CLSTN2: variants seen among roughly 807,000 people sequenced by gnomAD.
CLSTN2 encodes calsyntenin-2.
A neutral mutation model predicts 101.2 loss-of-function variants in CLSTN2; 48 were observed. The ratio of observed to expected loss-of-function variants is 0.47; its 90% CI spans 0.38 to 0.60. The LOEUF (loss-of-function observed/expected upper bound fraction) is 0.60. Among genes scored for constraint, CLSTN2 ranks in the 20% least tolerant of loss-of-function variants. CLSTN2 has a pLI of 0.00. For synonymous variants in CLSTN2, 481 were observed against 463.6 expected (o/e 1.04, Z -0.48); for missense variants, 1,160 against 1,238.2 (o/e 0.94, Z 0.95).
intron 2 of CLSTN2, among the ~76,000 whole-genome samples, chr3:140,351,281 C>T (rs1179405458): frequency 6.6e-6 from 1 of 152,082 alleles, no homozygotes; most frequent in Admixed American, 6.5e-5. Flanking sequence ...ACAAAGAGAA[C>T]ATAAGAACTG....
At chr3:140,262,433 A>C (rs1173572307) in intron 2 of CLSTN2, among the ~76,000 whole-genome samples, 1 of 152,188 alleles carries the variant, frequency 6.6e-6, no homozygotes, top group African/African-American at 2.4e-5. Context: ...AAGAGAGAGG[A>C]GTGTAAGAAA....
At chr3:140,176,446 G>T (rs1363872211) in intron 2 of CLSTN2, among the ~76,000 whole-genome samples, 9 of 152,172 alleles carry the variant, frequency 5.9e-5, no homozygotes, top group Non-Finnish European at 1.0e-4. Flanking sequence ...GATAAGTGGA[G>T]ACTCATAGCT....
chr3:140,167,153 T>C (rs1166236769), intron 1 of CLSTN2, among the ~76,000 whole-genome samples: 1 of 152,226 alleles, frequency 6.6e-6, no homozygotes, highest in African/African-American at 2.4e-5. Context: ...ATAATTTCTG[T>C]ACATGCCAAA....
At chr3:140,304,418 G>A (rs1015795725) in intron 2 of CLSTN2, among the ~76,000 whole-genome samples, 54 of 152,200 alleles carry the variant, frequency 3.5e-4, no homozygotes, top group Non-Finnish European at 2.6e-4. Flanking sequence ...AGCTCCTGGT[G>A]AGGGTTCTCT....
chr3:140,348,035 G>A (rs1461370558), intron 2 of CLSTN2, among the ~76,000 whole-genome samples: 1 of 152,190 alleles, frequency 6.6e-6, no homozygotes, highest in Non-Finnish European at 1.5e-5. Context: ...TTGTCTGTCA[G>A]TTGGAAAGGA....
intron 11 of CLSTN2, among the ~76,000 whole-genome samples, chr3:140,557,788 G>A (rs776248650): frequency 2.0e-5 from 3 of 152,170 alleles, no homozygotes; most frequent in East Asian, 1.9e-4. Context: ...GGGGTCCCCC[G>A]TTGTAACCTA....
chr3:140,079,906 A>G (rs979261269), intron 1 of CLSTN2, among the ~76,000 whole-genome samples: 3 of 152,176 alleles, frequency 2.0e-5, no homozygotes, highest in African/African-American at 7.2e-5. Context: ...TTATGTTTTC[A>G]TGTTTAGGTC....
At chr3:140,243,945 T>C (rs547426226) in intron 2 of CLSTN2, among the ~76,000 whole-genome samples, 32 of 152,294 alleles carry the variant, frequency 2.1e-4, no homozygotes, top group Non-Finnish European at 4.0e-4. Flanking sequence ...ACACAGAGTA[T>C]AACTGCCCCC....
intron 2 of CLSTN2, among the ~76,000 whole-genome samples, chr3:140,200,099 C>G (rs532867817): frequency 3.3e-5 from 5 of 152,102 alleles, no homozygotes; most frequent in African/African-American, 9.7e-5. Context: ...TTCTACGTCT[C>G]CCCTTATATT....
At chr3:140,225,231 G>A (rs552674665) in intron 2 of CLSTN2, among the ~76,000 whole-genome samples, 1 of 152,288 alleles carries the variant, frequency 6.6e-6, no homozygotes, top group Admixed American at 6.5e-5. Context: ...AAGGACTCCT[G>A]TCCTTCTGGT....
intron 1 of CLSTN2, among the ~76,000 whole-genome samples, chr3:140,018,019 A>AGAAG (rs1229676542): frequency 2.0e-5 from 3 of 152,218 alleles, no homozygotes; most frequent in Non-Finnish European, 4.4e-5. Flanking sequence ...TTGTTTCTAA[A>AGAAG]GAAGGAAGGA....
intron 1 of CLSTN2, among the ~76,000 whole-genome samples, chr3:139,974,465 C>T (rs887150039): frequency 6.6e-6 from 1 of 152,190 alleles, no homozygotes; most frequent in Admixed American, 6.5e-5. Context: ...GACCACCTTT[C>T]CCTGCTTCCC....
At chr3:140,242,570 C>A (rs921503781) in intron 2 of CLSTN2, among the ~76,000 whole-genome samples, 2 of 152,132 alleles carry the variant, frequency 1.3e-5, no homozygotes, top group Admixed American at 1.3e-4. Flanking sequence ...ATGGCCTGTA[C>A]CCCTACTTTT....
chr3:140,519,631 A>G (rs1934988225), intron 8 of CLSTN2, among the ~76,000 whole-genome samples: 2 of 150,696 alleles, frequency 1.3e-5, no homozygotes, highest in South Asian at 4.2e-4. Flanking sequence ...TAGGATTGTG[A>G]CCCCTGCTTT....
intron 2 of CLSTN2, among the ~76,000 whole-genome samples, chr3:140,248,293 A>G (rs2086533675): frequency 6.6e-6 from 1 of 152,216 alleles, no homozygotes; most frequent in Admixed American, 6.5e-5. Flanking sequence ...GGACCCCATG[A>G]GGAAGTGCCA....
chr3:140,013,936 G>A (rs2007142630), intron 1 of CLSTN2, among the ~76,000 whole-genome samples: 1 of 152,122 alleles, frequency 6.6e-6, no homozygotes, highest in African/African-American at 2.4e-5. Flanking sequence ...CAACTCCCCA[G>A]GGAATCTGGA....
At chr3:140,265,477 G>A (rs1340745126) in intron 2 of CLSTN2, among the ~76,000 whole-genome samples, 3 of 152,130 alleles carry the variant, frequency 2.0e-5, no homozygotes, top group Admixed American at 6.5e-5. Context: ...AACCACAGCT[G>A]TACGTGGGCT....
In CLSTN2 at chr3:140,155,645, C is replaced by T. The variant is rs139798243; in HGVS notation, c.110-20306C>T. On this transcript the variant is annotated intron_variant, in intron 1 of 16. Transcript: ENST00000458420. ...TGGGTCTAGGTTATTCTGAGTATGCCCATGATCCTGTTTGCTTGGTGCATT... is the reference window on the plus strand; with the variant it reads ...TGGGTCTAGGTTATTCTGAGTATGCTCATGATCCTGTTTGCTTGGTGCATT... Among the ~76,000 whole-genome samples, 876 of 152,234 alleles carry T rather than the reference C, an allele frequency of 5.8e-3. 2 individuals are homozygous for T. The highest frequency in any genetic ancestry group is 0.02 in the African/African-American group (840 of 41,536).
chr3:139,946,885 A>G (rs1935223130), intron 1 of CLSTN2, among the ~76,000 whole-genome samples: 1 of 152,226 alleles, frequency 6.6e-6, no homozygotes, highest in Non-Finnish European at 1.5e-5. Flanking sequence ...GAAGAAAAGG[A>G]TGGAAGCAGT....
Sources: gnomAD v4.1 joint callset for allele counts (sites outside exome capture counted in the v4.1 genomes callset) on GRCh38, gnomAD v4.1.1 for gene constraint, MANE v1.5 for transcripts, NCBI Gene and HGNC (gene_info 2026-07-23, HGNC 2026-07-21) for gene names.